Variants in FHIT observed in about 807,000 individuals in gnomAD.
FHIT encodes the protein fragile histidine triad diadenosine triphosphatase, also known as bis(5'-adenosyl)-triphosphatase.
In FHIT, 19 loss-of-function variants were observed where a neutral mutation model predicts 17.9. The ratio of observed to expected loss-of-function variants is 1.06; its 90% CI spans 0.74 to 1.56. The LOEUF is 1.56. FHIT is among the 40% of genes most tolerant of loss of function. The pLI, the probability that FHIT is intolerant of heterozygous loss-of-function variation, is 0.00. For synonymous variants in FHIT, 81 were observed against 69.7 expected, an observed-to-expected ratio of 1.16 and a Z score of -0.81; for missense variants, 248 against 189.2, an observed-to-expected ratio of 1.31 and a Z score of -1.82.
In FHIT at chr3:60,462,366, C is replaced by T. The variant is rs543253637; in HGVS notation, c.103+74494G>A. On this transcript the variant is annotated intron_variant, in intron 5 of 9. Coordinates refer to ENST00000492590, the MANE Select transcript of FHIT (RefSeq NM_002012.4). ...GTGGCCAAGTTTGGTTTGAAGCCAACGGTATGGCTTGAGTGCCCATGGCTC... is the reference window on the plus strand; with the variant it reads ...GTGGCCAAGTTTGGTTTGAAGCCAATGGTATGGCTTGAGTGCCCATGGCTC... Among the ~76,000 whole-genome samples, 26 of 152,204 alleles carry T rather than the reference C, an allele frequency of 1.7e-4. 2 individuals carry two copies. In the South Asian group the frequency reaches 4.4e-3, roughly 26 times the overall value.
At chr3:60,513,744 T>C (rs1028065315) in intron 5 of FHIT, among the ~76,000 whole-genome samples, 1 of 141,594 alleles carries the variant, frequency 7.1e-6, no homozygotes, top group Non-Finnish European at 1.5e-5. Flanking sequence ...GTGAGGGTTC[T>C]ACTCTCAAGC....
At chr3:59,850,378 T>C (rs559147023) in intron 8 of FHIT, among the ~76,000 whole-genome samples, 2 of 152,320 alleles carry the variant, frequency 1.3e-5, no homozygotes, top group East Asian at 3.9e-4. Context: ...GCTTTGGGTA[T>C]ATCTCTTAGA....
chr3:60,535,859 GTTCATA>G (rs1176647637), intron 5 of FHIT: 2 of 147,634 alleles, frequency 1.4e-5, no homozygotes, highest in Non-Finnish European at 3.0e-5. Flanking sequence ...AAAGAAGCTT[GTTCATA>G]AAGTTCTCAG....
chr3:59,879,759 C>G (rs574397418), intron 8 of FHIT, among the ~76,000 whole-genome samples: 1 of 152,182 alleles, frequency 6.6e-6, no homozygotes, highest in Non-Finnish European at 1.5e-5. Context: ...GGTCCACAAA[C>G]AGCTAAATAG....
chr3:59,963,351 A>C (rs1707775726), intron 7 of FHIT, among the ~76,000 whole-genome samples: 1 of 152,168 alleles, frequency 6.6e-6, no homozygotes, highest in Non-Finnish European at 1.5e-5. Context: ...ATTGAGTCGA[A>C]AACTCATGGC....
intron 2 of FHIT, among the ~76,000 whole-genome samples, chr3:61,056,690 C>T (rs1377487440): frequency 6.6e-6 from 1 of 152,216 alleles, no homozygotes; most frequent in South Asian, 2.1e-4. Flanking sequence ...AGATGACCCA[C>T]ACCTTTTTCA....
At chr3:60,988,582 T>G (rs1475687168) in intron 3 of FHIT, among the ~76,000 whole-genome samples, 1 of 152,004 alleles carries the variant, frequency 6.6e-6, no homozygotes, top group Non-Finnish European at 1.5e-5. Flanking sequence ...TAAGGGCAAA[T>G]GAGAGCTGAC....
intron 3 of FHIT, among the ~76,000 whole-genome samples, chr3:60,911,384 C>CAG (rs1452545607): frequency 6.6e-5 from 10 of 151,570 alleles, no homozygotes; most frequent in Non-Finnish European, 1.3e-4. Context: ...CACACACACA[C>CAG]ACACACACAC....
At chr3:60,461,025 C>T (rs2032426996) in intron 5 of FHIT, among the ~76,000 whole-genome samples, 1 of 152,058 alleles carries the variant, frequency 6.6e-6, no homozygotes, top group Non-Finnish European at 1.5e-5. Context: ...TGTAACAACC[C>T]TGGCACAGAA....
chr3:60,363,702 G>A (rs1320376119), intron 5 of FHIT, among the ~76,000 whole-genome samples: 1 of 152,144 alleles, frequency 6.6e-6, no homozygotes, highest in Non-Finnish European at 1.5e-5. Context: ...CTGCTCCACT[G>A]TGCTCTGTAC....
rs1039911030 is a variant in FHIT, at chr3:59,748,457, A to C, written c.*1128T>G. ...CAAGTAGAACCAAGTTGGTTGGGGA[A>C]ATCCAGGCCCATTTTGGTTTCTGCT... is the stretch of plus-strand genomic sequence containing the variant. On this transcript the variant is annotated 3_prime_UTR_variant, in exon 10 of 10. Coordinates refer to ENST00000492590, the MANE Select transcript of FHIT (RefSeq NM_002012.4). 2.0e-5 allele frequency among the ~76,000 whole-genome samples: 3 copies of C among 152,080 alleles called. No individual in the cohort carries two copies. The highest frequency in any genetic ancestry group is 4.4e-5 in the Non-Finnish European group (3 of 68,010).
chr3:60,801,976 T>C (rs1223512953), intron 4 of FHIT, among the ~76,000 whole-genome samples: 3 of 152,220 alleles, frequency 2.0e-5, no homozygotes, highest in Non-Finnish European at 4.4e-5. Flanking sequence ...TCAATTCACA[T>C]AATCATTAAG....
At chr3:60,271,264 A>C (rs911626000) in intron 5 of FHIT, among the ~76,000 whole-genome samples, 16 of 151,882 alleles carry the variant, frequency 1.1e-4, no homozygotes, top group African/African-American at 3.9e-4. Flanking sequence ...TTAGCCAGGC[A>C]TGGTGGCTCA....
At chr3:59,893,893 T>C (rs904476410) in intron 8 of FHIT, among the ~76,000 whole-genome samples, 2 of 152,210 alleles carry the variant, frequency 1.3e-5, no homozygotes, top group Non-Finnish European at 2.9e-5. Context: ...GTAGCTCTTG[T>C]TGAGGAGTCC....
At chr3:60,886,384 T>A (rs1331243047) in intron 3 of FHIT, among the ~76,000 whole-genome samples, 1 of 152,236 alleles carries the variant, frequency 6.6e-6, no homozygotes, top group Non-Finnish European at 1.5e-5. Flanking sequence ...TTGCCTGCAA[T>A]CTTCTTGGCT....
chr3:60,160,828 CAGAGAG>C (rs5849337), intron 5 of FHIT, among the ~76,000 whole-genome samples: 14 of 144,928 alleles, frequency 9.7e-5, no homozygotes, highest in East Asian at 2.0e-4. Context: ...GTGAGTGTGA[CAGAGAG>C]AGAGAGAGAG....
chr3:60,375,743 C>T (rs910731077), intron 5 of FHIT, among the ~76,000 whole-genome samples: 1 of 152,072 alleles, frequency 6.6e-6, no homozygotes, highest in Non-Finnish European at 1.5e-5. Flanking sequence ...CACAAATTTT[C>T]ACTGGGTCAG....
chr3:60,828,745 G>A (rs1702211791), intron 3 of FHIT, among the ~76,000 whole-genome samples: 1 of 152,170 alleles, frequency 6.6e-6, no homozygotes, highest in South Asian at 2.1e-4. Context: ...AGGCATGGTG[G>A]CGGGTGCCTG....
At chr3:59,857,532 T>TTATC (rs1702209488) in intron 8 of FHIT, among the ~76,000 whole-genome samples, 1 of 30,166 alleles carries the variant, frequency 3.3e-5, no homozygotes, top group African/African-American at 7.8e-4. Context: ...TAGGACAAGA[T>TTATC]TATACAAATA....
Sources: gnomAD v4.1 joint callset for allele counts (sites outside exome capture counted in the v4.1 genomes callset) on GRCh38, gnomAD v4.1.1 for gene constraint, MANE v1.5 for transcripts, NCBI Gene and HGNC (gene_info 2026-07-23, HGNC 2026-07-21) for gene names.